UMAD1: variants seen among roughly 807,000 people sequenced by gnomAD.
UMAD1 encodes UBAP1-MVB12-associated (UMA)-domain containing protein 1.
UMAD1 carries 8 observed loss-of-function variants against 6.1 expected under a neutral mutation model. The ratio of observed to expected loss-of-function variants is 1.30; its 90% CI spans 0.76 to 2.35. The LOEUF (loss-of-function observed/expected upper bound fraction) is 2.35. Among genes scored for constraint, UMAD1 ranks in the 30% most tolerant of loss-of-function variants. The pLI, the probability that UMAD1 is intolerant of heterozygous loss-of-function variation, is 0.00. For missense variants in UMAD1, 130 were observed against 78.4 expected (o/e 1.66, Z -2.49); for synonymous variants, 56 against 31.4 (o/e 1.78, Z -2.61).
intron 3 of UMAD1, among the ~76,000 whole-genome samples, chr7:7,821,017 G>A (rs1445536384): frequency 7.9e-5 from 12 of 152,124 alleles, no homozygotes; most frequent in African/African-American, 9.7e-5. Flanking sequence ...AAAATTAAGC[G>A]TGACTTTTTT....
chr7:7,657,048 G>T (rs955319498), intron 1 of UMAD1, among the ~76,000 whole-genome samples: 2 of 152,058 alleles, frequency 1.3e-5, no homozygotes, highest in Non-Finnish European at 2.9e-5. Flanking sequence ...GTTTTGATTT[G>T]CATTTCTCTA....
At chr7:7,708,603 C>CAT (rs1780668781) in intron 2 of UMAD1, among the ~76,000 whole-genome samples, 1 of 152,124 alleles carries the variant, frequency 6.6e-6, no homozygotes, top group Non-Finnish European at 1.5e-5. Flanking sequence ...CATATTTGTC[C>CAT]TTTTGGGACA....
At chr7:7,660,267 G>T (rs1334479038) in intron 1 of UMAD1, among the ~76,000 whole-genome samples, 1 of 152,290 alleles carries the variant, frequency 6.6e-6, no homozygotes, top group South Asian at 2.1e-4. Flanking sequence ...TTGCCAGTCT[G>T]TGTCTTTTAA....
At chr7:7,790,304 A>G (rs949278606) in intron 2 of UMAD1, among the ~76,000 whole-genome samples, 13 of 152,258 alleles carry the variant, frequency 8.5e-5, no homozygotes, top group African/African-American at 3.1e-4. Context: ...ACATCCCAGG[A>G]TTTATCTGTG....
intron 2 of UMAD1, among the ~76,000 whole-genome samples, chr7:7,716,228 G>T (rs1460980412): frequency 6.6e-6 from 1 of 152,078 alleles, no homozygotes; most frequent in African/African-American, 2.4e-5. Flanking sequence ...ATGTTGTATT[G>T]AATAACAGCT....
intron 3 of UMAD1, among the ~76,000 whole-genome samples, chr7:7,861,996 C>T (rs911896220): frequency 2.0e-5 from 3 of 152,106 alleles, no homozygotes; most frequent in Non-Finnish European, 2.9e-5. Context: ...TGTTGTTTGT[C>T]ATAACATTTA....
chr7:7,838,907 A>G (rs747827897), intron 3 of UMAD1, among the ~76,000 whole-genome samples: 2 of 152,258 alleles, frequency 1.3e-5, no homozygotes, highest in Admixed American at 6.5e-5. Flanking sequence ...AGAGAAATAT[A>G]TAGATATATT....
chr7:7,746,275 G>A (rs79114208), intron 2 of UMAD1, among the ~76,000 whole-genome samples: 102 of 152,294 alleles, frequency 6.7e-4, no homozygotes, highest in African/African-American at 2.4e-3. Context: ...AATGATAGAG[G>A]GAAGCACTTG....
intron 2 of UMAD1, among the ~76,000 whole-genome samples, chr7:7,752,124 T>A (rs1781689716): frequency 6.6e-6 from 1 of 152,158 alleles, no homozygotes; most frequent in African/African-American, 2.4e-5. Context: ...ATAATTTAGA[T>A]AATGGAACAT....
chr7:7,730,266 A>G (rs1049484435), intron 2 of UMAD1, among the ~76,000 whole-genome samples: 3 of 152,134 alleles, frequency 2.0e-5, no homozygotes, highest in African/African-American at 4.8e-5. Context: ...AAAAATACCA[A>G]TGTCTGCGAT....
intron 2 of UMAD1, among the ~76,000 whole-genome samples, chr7:7,732,261 T>C (rs902144582): frequency 2.0e-5 from 3 of 152,100 alleles, no homozygotes; most frequent in Non-Finnish European, 4.4e-5. Flanking sequence ...GAGTGTTTTT[T>C]CTTGAAATTT....
chr7:7,651,545 C>T (rs12668835), intron 1 of UMAD1, among the ~76,000 whole-genome samples: 46,794 of 152,098 alleles, frequency 0.31, 9,177 homozygotes, highest in East Asian at 0.8. Flanking sequence ...GCTTTGGGTA[C>T]GTATTTTTCC....
chr7:7,744,667 G>A (rs1781537100), intron 2 of UMAD1, among the ~76,000 whole-genome samples: 1 of 149,074 alleles, frequency 6.7e-6, no homozygotes, highest in East Asian at 2.0e-4. Flanking sequence ...GATTTACATT[G>A]ACCTGATGGC....
intron 3 of UMAD1, among the ~76,000 whole-genome samples, chr7:7,860,691 C>T (rs926386250): frequency 1.7e-4 from 25 of 149,866 alleles, no homozygotes; most frequent in African/African-American, 5.8e-4. Context: ...AGGAGAATGG[C>T]GCGAACCCAG....
chr7:7,758,392 G>T (rs73344512), intron 2 of UMAD1, among the ~76,000 whole-genome samples: 5,454 of 152,090 alleles, frequency 0.036, 310 homozygotes, highest in African/African-American at 0.13. Flanking sequence ...AAGTGTAAAA[G>T]CTGTTTTTAC....
chr7:7,730,191 C>T (rs1781219875), intron 2 of UMAD1, among the ~76,000 whole-genome samples: 1 of 152,180 alleles, frequency 6.6e-6, no homozygotes. Context: ...CTTTTCTCAT[C>T]ACTTTTGTCT....
intron 2 of UMAD1, among the ~76,000 whole-genome samples, chr7:7,677,144 T>A (rs551963197): frequency 1.1e-3 from 164 of 152,300 alleles, no homozygotes; most frequent in Non-Finnish European, 2.0e-3. Context: ...TGTATATATT[T>A]ACAGGGTACA....
intron 3 of UMAD1, among the ~76,000 whole-genome samples, chr7:7,834,718 A>G (rs2115307897): frequency 6.6e-6 from 1 of 152,142 alleles, no homozygotes; most frequent in Admixed American, 6.5e-5. Flanking sequence ...TTATCTCCCT[A>G]AACACCTGAT....
chr7:7,682,878 T>C (rs987989008), intron 2 of UMAD1, among the ~76,000 whole-genome samples: 4 of 152,250 alleles, frequency 2.6e-5, no homozygotes, highest in Non-Finnish European at 4.4e-5. Flanking sequence ...TGTTTTTCTA[T>C]TAAGAAATGT....
Sources: allele counts gnomAD v4.1 joint callset (sites outside exome capture counted in the v4.1 genomes callset), GRCh38; gene constraint gnomAD v4.1.1; transcripts MANE v1.5; gene names NCBI Gene and HGNC (gene_info 2026-07-23, HGNC 2026-07-21).